The following AGBL1 variants were observed in gnomAD, a reference collection of about 807,000 sequenced individuals.
The protein encoded by AGBL1 is AGBL carboxypeptidase 1.
AGBL1 carries 130 observed loss-of-function variants against 118.9 expected under a neutral mutation model. That is an observed-to-expected ratio of 1.09 (90% CI 0.95 to 1.26). The LOEUF is 1.26. Among genes scored for constraint, AGBL1 ranks in the 50% most tolerant of loss-of-function variants. The probability of loss-of-function intolerance (pLI) is 0.00; values close to 1 mark genes in which losing one functional copy is unlikely to be tolerated. For synonymous variants in AGBL1, 555 were observed against 478.9 expected (o/e 1.16, Z -2.08); for missense variants, 1,584 against 1,298.1 (o/e 1.22, Z -3.38).
At chr15:86,248,524 C>T (rs1049984722) in intron 7 of AGBL1, among the ~76,000 whole-genome samples, 1 of 152,212 alleles carries the variant, frequency 6.6e-6, no homozygotes, top group African/African-American at 2.4e-5. Context: ...CTTCTCTGGG[C>T]CTTGAGGTTC....
Position 86,224,930 on chromosome 15 carries a change from T to C in AGBL1, c.505T>C (p.Leu169=), listed in dbSNP as rs564498366. ...TQAIRAATEV[L]AALLKSKSNG... is the part of the protein sequence containing the mutation. Reference sequence around the variant, plus strand: ...TTTCCCCAGGGCAGCCACTGAAGTTTTGGCAGCATTGCTGAAATCCAGTAA... The same window carrying C: ...TTTCCCCAGGGCAGCCACTGAAGTTCTGGCAGCATTGCTGAAATCCAGTAA... The change falls in exon 6 of 23, where the codon TTG becomes CTG. Residue 169 remains leucine, a synonymous_variant. Transcript: ENST00000614907. The C allele has an allele frequency of 3.5e-4, 569 of 1,613,510 alleles. 3 individuals are homozygous for C. Among genetic ancestry groups the C allele is most frequent in the South Asian group, 1.3e-3 (117 of 91,062 alleles).
chr15:86,939,692 T>G (rs750501675), intron 23 of AGBL1: 2 of 152,266 alleles, frequency 1.3e-5, no homozygotes, highest in African/African-American at 4.8e-5. Flanking sequence ...CCTGCAGATA[T>G]GCCAACTTAT....
chr15:86,929,407 G>A (rs569284333), intron 23 of AGBL1, among the ~76,000 whole-genome samples: 1 of 152,166 alleles, frequency 6.6e-6, no homozygotes, highest in South Asian at 2.1e-4. Flanking sequence ...ACACAAAATG[G>A]GATAGCTACG....
chr15:86,227,804 A>C (rs1238038408), intron 6 of AGBL1, among the ~76,000 whole-genome samples: 1 of 152,252 alleles, frequency 6.6e-6, no homozygotes, highest in African/African-American at 2.4e-5. Flanking sequence ...GCAGAATGTC[A>C]TTGTGAGCAT....
rs916833528 is a variant in AGBL1 at position 86,426,722 on chromosome 15, G to A, written c.2555+29176G>A. 3.3e-5 allele frequency among the ~76,000 whole-genome samples: 5 copies of A among 152,098 alleles called. No homozygotes were observed. The East Asian group carries it at 9.6e-4, about 29-fold the overall frequency. The stretch of plus-strand genomic sequence containing the variant: ...ATCATATCCTAAAGCTGCCCAAGTG[G>A]GGCTGCTTAACTATTTATTTTGTCC... On this transcript the variant is annotated intron_variant, in intron 18 of 22. Transcript: ENST00000614907.
In AGBL1 at chr15:86,915,797, A is replaced by ACGGT. The variant is rs926600821; in HGVS notation, c.*8505_*8508dup. The ACGGT allele has an allele frequency of 7.9e-5, 12 of 152,200 alleles. No individual in the cohort carries two copies. The highest frequency in any genetic ancestry group is 2.7e-4 in the African/African-American group (11 of 41,442). The allele number at this position is 152,200 out of a possible 1,614,324, so 9.4% of individuals were successfully genotyped here. A position where few individuals can be genotyped will look rare whatever the true frequency, so the allele number is the denominator to read the frequency against. On this transcript the variant is annotated 3_prime_UTR_variant, in exon 23 of 23. Coordinates refer to ENST00000614907, the MANE Select transcript of AGBL1 (RefSeq NM_001386094.1). ...GGTTGAGATCTTAATTTCTGTTAGA[A>ACGGT]CGGTCTCCTGAGAATGACCTCCTAC...
chr15:86,449,744 A>G (rs913716896), intron 18 of AGBL1, among the ~76,000 whole-genome samples: 6 of 152,334 alleles, frequency 3.9e-5, no homozygotes, highest in African/African-American at 1.4e-4. Context: ...TGTCCAGCTA[A>G]GGCAGCCTCC....
At chr15:86,516,274 C>T (rs1050239272) in intron 18 of AGBL1, among the ~76,000 whole-genome samples, 6 of 152,104 alleles carry the variant, frequency 3.9e-5, no homozygotes, top group African/African-American at 1.2e-4. Context: ...AGGTATGTAG[C>T]TTTTCTATCT....
intron 22 of AGBL1, among the ~76,000 whole-genome samples, chr15:86,894,858 G>A (rs1315061704): frequency 1.3e-5 from 2 of 152,158 alleles, no homozygotes; most frequent in Non-Finnish European, 2.9e-5. Context: ...CTGAATGCAA[G>A]CTTTACCTTC....
chr15:86,218,039 C>A (rs1332490298), intron 5 of AGBL1, among the ~76,000 whole-genome samples: 3 of 152,144 alleles, frequency 2.0e-5, no homozygotes, highest in African/African-American at 7.2e-5. Flanking sequence ...TAATTTATTT[C>A]ATTTCTTTTT....
intron 22 of AGBL1, among the ~76,000 whole-genome samples, chr15:86,825,645 AGAAAG>A (rs1184373582): frequency 2.9e-5 from 4 of 140,212 alleles, no homozygotes; most frequent in African/African-American, 1.0e-4. Context: ...AAGGAAGGAA[AGAAAG>A]GAAGGGAAGG....
chr15:86,380,389 A>G (rs986317125), intron 17 of AGBL1, among the ~76,000 whole-genome samples: 3 of 148,776 alleles, frequency 2.0e-5, no homozygotes, highest in Non-Finnish European at 3.0e-5. Context: ...GGTTCAAGTG[A>G]TTCTCCTGCC....
chr15:86,192,526 C>T lies in AGBL1; in HGVS notation c.489-32388C>T, dbSNP rs150172501. On this transcript the variant is annotated intron_variant, in intron 5 of 22. Coordinates refer to ENST00000614907, the MANE Select transcript of AGBL1 (RefSeq NM_001386094.1). ...GAGGCTGTGATTAAACAGATCTGGT[C>T]ATACACTAAAGCTGTCTATGCACAT... Among the ~76,000 whole-genome samples the T allele has an allele frequency of 3.7e-3, 558 of 152,042 alleles. 8 individuals carry two copies. Among genetic ancestry groups the T allele is most frequent in the Middle Eastern group, 0.014 (4 of 294 alleles).
At chr15:86,718,832 T>C (rs563345478) in intron 22 of AGBL1, among the ~76,000 whole-genome samples, 1 of 152,326 alleles carries the variant, frequency 6.6e-6, no homozygotes. Context: ...AGTAAGTCTT[T>C]TTGGGGAACA....
At chr15:86,855,038 G>T (rs2079458962) in intron 22 of AGBL1, among the ~76,000 whole-genome samples, 2 of 152,138 alleles carry the variant, frequency 1.3e-5, no homozygotes, top group South Asian at 4.1e-4. Flanking sequence ...CTGCTCAAAG[G>T]TTAAGGGCAC....
At chr15:86,497,984 T>C (rs1349843548) in intron 18 of AGBL1, among the ~76,000 whole-genome samples, 1 of 151,946 alleles carries the variant, frequency 6.6e-6, no homozygotes, top group Non-Finnish European at 1.5e-5. Context: ...TAAAATTCCT[T>C]ACAGTAATTT....
chr15:86,339,475 A>G (rs1439558915), intron 17 of AGBL1, among the ~76,000 whole-genome samples: 1 of 152,102 alleles, frequency 6.6e-6, no homozygotes, highest in Non-Finnish European at 1.5e-5. Flanking sequence ...CTCCAATTAT[A>G]TGAATGTTCG....
intron 13 of AGBL1, 109 bp from the exon 14 acceptor site, chr15:86,269,810 C>T (rs1567168947): frequency 7.9e-7 from 1 of 1,265,412 alleles, no homozygotes; most frequent in East Asian, 2.6e-5. Flanking sequence ...GGCTGAGATC[C>T]TGGGTCTTAG....
intron 22 of AGBL1, among the ~76,000 whole-genome samples, chr15:86,762,091 C>G (rs1350278982): frequency 6.6e-6 from 1 of 152,016 alleles, no homozygotes; most frequent in Non-Finnish European, 1.5e-5. Flanking sequence ...AGCTGGAAGC[C>G]ATTATCCTCA....
Sources: allele counts gnomAD v4.1 joint callset (sites outside exome capture counted in the v4.1 genomes callset), GRCh38; gene constraint gnomAD v4.1.1; transcripts MANE v1.5; gene names NCBI Gene and HGNC (gene_info 2026-07-23, HGNC 2026-07-21).